Variants in KCNJ1 observed in about 807,000 individuals in gnomAD.
KCNJ1 encodes ATP-sensitive inward rectifier potassium channel 1.
KCNJ1 carries 24 observed loss-of-function variants against 21.9 expected under a neutral mutation model. The observed-to-expected ratio is 1.10, with a 90% CI of 0.79 to 1.54. KCNJ1 has a LOEUF of 1.54. KCNJ1 is among the 40% of genes most tolerant of loss of function. KCNJ1 has a pLI of 0.00. For missense variants in KCNJ1, 457 were observed against 455.4 expected, an observed-to-expected ratio of 1.00 and a Z score of -0.03; for synonymous variants, 152 against 160.9, an observed-to-expected ratio of 0.94 and a Z score of 0.42.
At chr11:128,841,332 A>G in intron 2 of KCNJ1, among the ~76,000 whole-genome samples, 1 of 152,264 alleles carries the variant, frequency 6.6e-6, no homozygotes, top group East Asian at 1.9e-4. Context: ...CTGTTTATTC[A>G]GTAAACGTAA....
At chr11:128,849,548 T>C (rs978251245) in intron 2 of KCNJ1, among the ~76,000 whole-genome samples, 2 of 152,142 alleles carry the variant, frequency 1.3e-5, no homozygotes, top group Admixed American at 6.5e-5. Context: ...GCAGGTACCC[T>C]GGGTTGGATC....
chr11:128,838,310 A>C lies in KCNJ1; in HGVS notation c.*815T>G, dbSNP rs1017478204. On this transcript the variant is annotated 3_prime_UTR_variant, in exon 3 of 3. Transcript: ENST00000392666. ...TCTTTAGAAATAGCATTCCAGTACAAACTCTAGGTGGAGGAACACATGAAA... is the reference window on the plus strand; with the variant it reads ...TCTTTAGAAATAGCATTCCAGTACACACTCTAGGTGGAGGAACACATGAAA... The C allele has an allele frequency of 1.3e-5, 2 of 152,540 alleles. No homozygotes were observed. The highest frequency in any genetic ancestry group is 4.8e-5 in the African/African-American group (2 of 41,424). 9.4% of individuals were successfully genotyped at this position (152,540 alleles called of 1,614,324 possible). A position where few individuals can be genotyped will look rare whatever the true frequency, so the allele number is the denominator to read the frequency against.
chr11:128,863,749 C>G (rs1272887303), intron 1 of KCNJ1, among the ~76,000 whole-genome samples: 3 of 152,172 alleles, frequency 2.0e-5, no homozygotes, highest in Admixed American at 6.5e-5. Flanking sequence ...TGAGAAGCAA[C>G]TCCTTAGGGC....
At chr11:128,860,358 A>G (rs780066014) in intron 1 of KCNJ1, among the ~76,000 whole-genome samples, 11 of 152,218 alleles carry the variant, frequency 7.2e-5, no homozygotes, top group Non-Finnish European at 1.5e-4. Flanking sequence ...CATACTGACA[A>G]TGTAAAAGAG....
chr11:128,853,333 G>C (rs2135952722), intron 1 of KCNJ1, among the ~76,000 whole-genome samples: 1 of 152,354 alleles, frequency 6.6e-6, no homozygotes, highest in Middle Eastern at 3.4e-3. Context: ...ATATTATTCA[G>C]CTCTAAAAAG....
At chr11:128,866,102 T>C (rs1201358771) in intron 1 of KCNJ1, among the ~76,000 whole-genome samples, 1 of 152,114 alleles carries the variant, frequency 6.6e-6, no homozygotes, top group Non-Finnish European at 1.5e-5. Flanking sequence ...GCTGACTTAG[T>C]GAGAATCCAT....
At chr11:128,862,098 T>C (rs1157561581) in intron 1 of KCNJ1, among the ~76,000 whole-genome samples, 1 of 152,134 alleles carries the variant, frequency 6.6e-6, no homozygotes, top group Non-Finnish European at 1.5e-5. Flanking sequence ...TCCCAGTCTC[T>C]CCACCCCTTT....
At chr11:128,850,357 A>G (rs74492640) in intron 2 of KCNJ1, among the ~76,000 whole-genome samples, 3,176 of 152,322 alleles carry the variant, frequency 0.021, 112 homozygotes, top group African/African-American at 0.072. Flanking sequence ...TATGAACAGT[A>G]ATTTTAACTG....
intron 1 of KCNJ1, among the ~76,000 whole-genome samples, chr11:128,859,260 C>T (rs1019662688): frequency 1.3e-5 from 2 of 152,192 alleles, no homozygotes; most frequent in East Asian, 1.9e-4. Flanking sequence ...GGGGTAGGAA[C>T]GCAGCTCTTT....
intron 1 of KCNJ1, among the ~76,000 whole-genome samples, chr11:128,862,380 G>A (rs975506445): frequency 6.6e-5 from 10 of 152,138 alleles, no homozygotes; most frequent in African/African-American, 2.4e-4. Context: ...GACCCATGTT[G>A]GAAAGGACTC....
At chr11:128,854,983 A>ATCTGGAG (rs1226821970) in intron 1 of KCNJ1, among the ~76,000 whole-genome samples, 1 of 152,148 alleles carries the variant, frequency 6.6e-6, no homozygotes, top group East Asian at 1.9e-4. Flanking sequence ...TGAAACACGT[A>ATCTGGAG]TCTGGAGTCA....
At position 128,839,651 on chromosome 11, in the gene KCNJ1, C is replaced by T. The variant is rs1224617855; in HGVS notation, c.593G>A (p.Arg198Lys). ...GTGACTGCCAATAAGAAGGCTCTTC[C>T]TGAGATTAGCCACTCGGATTAGGAG... The part of the protein sequence containing the change: ...LCLLIRVANL[R>K]KSLLIGSHIY... Residue 198 changes from arginine (R) to lysine (K), a missense_variant, in exon 3 of 3, where the codon AGG becomes AAG. Arg to Lys is a conservative substitution (Grantham distance 26). Transcript: ENST00000392666. The T allele has an allele frequency of 2.5e-6, 4 of 1,613,502 alleles. No individual in the cohort carries two copies. Among genetic ancestry groups the T allele is most frequent in the Non-Finnish European group, 3.4e-6 (4 of 1,180,022 alleles).
intron 1 of KCNJ1, chr11:128,866,439 T>C: frequency 3.1e-6 from 1 of 319,280 alleles, no homozygotes; most frequent in Non-Finnish European, 4.5e-6. Flanking sequence ...TCCTAAAGAT[T>C]GCTGGTTGCG....
At chr11:128,861,443 C>T (rs992781912) in intron 1 of KCNJ1, among the ~76,000 whole-genome samples, 2 of 152,138 alleles carry the variant, frequency 1.3e-5, no homozygotes, top group African/African-American at 4.8e-5. Context: ...GCAGGGCTAG[C>T]GGGTATCCCT....
intron 2 of KCNJ1, among the ~76,000 whole-genome samples, chr11:128,843,927 A>G (rs1263673516): frequency 2.0e-5 from 3 of 152,182 alleles, no homozygotes; most frequent in Admixed American, 6.5e-5. Flanking sequence ...TCAATAATCT[A>G]TGAAATGACC....
chr11:128,855,882 G>T (rs537074363), intron 1 of KCNJ1, among the ~76,000 whole-genome samples: 1 of 152,214 alleles, frequency 6.6e-6, no homozygotes, highest in Non-Finnish European at 1.5e-5. Flanking sequence ...TAACTCCCAG[G>T]TCTGGATTTG....
At chr11:128,850,194 C>T (rs1212353408) in intron 2 of KCNJ1, among the ~76,000 whole-genome samples, 1 of 152,132 alleles carries the variant, frequency 6.6e-6, no homozygotes, top group Non-Finnish European at 1.5e-5. Flanking sequence ...ACACCCACCC[C>T]CTTGCCAACT....
At position 128,839,977 on chromosome 11, in the gene KCNJ1, G is replaced by A. The variant is rs646617; in HGVS notation, c.267C>T (p.Asp89=). Residue 89 remains aspartate (D), a synonymous_variant, in exon 3 of 3, where the codon GAC becomes GAT. Transcript: ENST00000392666. ...TGGCAGAAGGATGGAATTCCGGGAG[G>A]TCTTTGTGAATGTACGCTACTGCAT... is the stretch of plus-strand genomic sequence containing the variant. ...LWYAVAYIHK[D]LPEFHPSANH... 21 of 1,614,102 alleles carry A rather than the reference G, an allele frequency of 1.3e-5. No individual in the cohort carries two copies. Among genetic ancestry groups the A allele is most frequent in the Non-Finnish European group, 1.8e-5 (21 of 1,180,016 alleles).
intron 1 of KCNJ1, among the ~76,000 whole-genome samples, chr11:128,862,182 A>C (rs1332497287): frequency 6.6e-6 from 1 of 152,112 alleles, no homozygotes; most frequent in Admixed American, 6.5e-5. Context: ...GCTGGGAAAC[A>C]CCCAGCCAAA....
Sources: allele counts gnomAD v4.1 joint callset (sites outside exome capture counted in the v4.1 genomes callset), GRCh38; gene constraint gnomAD v4.1.1; transcripts MANE v1.5; gene names NCBI Gene and HGNC (gene_info 2026-07-23, HGNC 2026-07-21).